TOX: variants seen among roughly 807,000 people sequenced by gnomAD.
TOX encodes the protein thymocyte selection associated high mobility group box.
TOX carries 11 observed loss-of-function variants against 53.7 expected under a neutral mutation model. The ratio of observed to expected loss-of-function variants is 0.20; its 90% CI spans 0.13 to 0.34. The LOEUF is 0.34. Ranked by LOEUF, TOX falls within the 10% of genes least tolerant of loss-of-function variation. The pLI is 1.00. For missense variants in TOX, 570 were observed against 664.6 expected, an observed-to-expected ratio of 0.86 and a Z score of 1.56; for synonymous variants, 225 against 245.3, an observed-to-expected ratio of 0.92 and a Z score of 0.77.
intron 1 of TOX, among the ~76,000 whole-genome samples, chr8:58,988,658 T>C (rs1409012329): frequency 6.6e-6 from 1 of 152,192 alleles, no homozygotes; most frequent in African/African-American, 2.4e-5. Flanking sequence ...CCAACAAGCT[T>C]TGGAAAGTCT....
chr8:59,088,295 A>G (rs1427225853), intron 1 of TOX, among the ~76,000 whole-genome samples: 3 of 152,156 alleles, frequency 2.0e-5, no homozygotes, highest in African/African-American at 7.2e-5. Flanking sequence ...ATCTCAATCA[A>G]TTGCACTATT....
chr8:58,906,809 C>T (rs1187450974), intron 3 of TOX, among the ~76,000 whole-genome samples: 2 of 152,106 alleles, frequency 1.3e-5, no homozygotes, highest in Non-Finnish European at 2.9e-5. Context: ...GCTTTCTTTC[C>T]TTCAAGATGT....
intron 1 of TOX, among the ~76,000 whole-genome samples, chr8:59,008,662 G>A (rs973104511): frequency 2.6e-5 from 4 of 152,170 alleles, no homozygotes; most frequent in Non-Finnish European, 5.9e-5. Flanking sequence ...GTCCTGCAGG[G>A]TTCAATGGCG....
At chr8:59,035,503 A>G (rs908406676) in intron 1 of TOX, among the ~76,000 whole-genome samples, 1 of 152,212 alleles carries the variant, frequency 6.6e-6, no homozygotes, top group Non-Finnish European at 1.5e-5. Context: ...CCTCCAAAGT[A>G]ACTGGGGACT....
chr8:59,092,008 G>A (rs939906952), intron 1 of TOX, among the ~76,000 whole-genome samples: 2 of 151,776 alleles, frequency 1.3e-5, no homozygotes, highest in African/African-American at 4.8e-5. Flanking sequence ...CCAGCACTTT[G>A]GGAGGCTGGG....
intron 1 of TOX, among the ~76,000 whole-genome samples, chr8:59,052,665 C>A (rs746083440): frequency 6.6e-6 from 1 of 152,132 alleles, no homozygotes; most frequent in Non-Finnish European, 1.5e-5. Flanking sequence ...TCACTGGGAC[C>A]GAACTCCATT....
chr8:58,833,910 G>A (rs895969462), intron 5 of TOX, among the ~76,000 whole-genome samples: 2 of 152,128 alleles, frequency 1.3e-5, no homozygotes, highest in African/African-American at 4.8e-5. Context: ...GATTTTTATC[G>A]CTTCTTTCAG....
chr8:59,080,225 C>A (rs1395814028), intron 1 of TOX, among the ~76,000 whole-genome samples: 2 of 152,116 alleles, frequency 1.3e-5, no homozygotes, highest in Non-Finnish European at 2.9e-5. Flanking sequence ...TCGTGATCCA[C>A]CTGCCTTAGC....
Position 58,826,918 on chromosome 8 carries a change from A to G in TOX, c.925-16T>C. The G allele has an allele frequency of 1.2e-6, 2 of 1,606,432 alleles. No individual in the cohort carries two copies. The highest frequency in any genetic ancestry group is 8.5e-7 in the Non-Finnish European group (1 of 1,177,090). ...TTTTATAGACCTGCAACAACAGCAAAGAGTCTTAAATTAGAAAGTGCATTT... is the reference window on the plus strand; with the variant it reads ...TTTTATAGACCTGCAACAACAGCAAGGAGTCTTAAATTAGAAAGTGCATTT... On this transcript the variant is annotated splice_polypyrimidine_tract_variant and intron_variant, in intron 5 of 8. Coordinates refer to ENST00000361421, the MANE Select transcript of TOX (RefSeq NM_014729.3).
Position 58,851,434 on chromosome 8 carries a change from G to C in TOX, c.693+90C>G. The C allele has an allele frequency of 7.0e-7, 1 of 1,430,062 alleles. No homozygotes were observed. Among genetic ancestry groups the C allele is most frequent in the Non-Finnish European group, 9.6e-7 (1 of 1,042,494 alleles). 88.6% of individuals were successfully genotyped at this position (1,430,062 alleles called of 1,614,324 possible). ...CAGGTGTCTCCCTCCAATGTTTCTC[G>C]CATGGATGATATAAACTTGTACCCA... On this transcript the variant is annotated intron_variant, in intron 4 of 8. Transcript: ENST00000361421. The surrounding 1 kb of genome is among the most constrained non-coding windows in gnomAD (Gnocchi z 4.4).
At chr8:58,873,701 T>C (rs555511461) in intron 3 of TOX, among the ~76,000 whole-genome samples, 1 of 152,260 alleles carries the variant, frequency 6.6e-6, no homozygotes, top group Admixed American at 6.6e-5. Context: ...CTTATTGTGC[T>C]GGCATCTGAT....
intron 2 of TOX, among the ~76,000 whole-genome samples, chr8:58,959,379 C>G (rs1442038579): frequency 6.6e-6 from 1 of 152,154 alleles, no homozygotes; most frequent in Non-Finnish European, 1.5e-5. Flanking sequence ...ACCTTGTCAA[C>G]TATTCCCAGT....
chr8:58,934,799 C>G (rs1160945124), intron 3 of TOX, among the ~76,000 whole-genome samples: 1 of 152,172 alleles, frequency 6.6e-6, no homozygotes, highest in Non-Finnish European at 1.5e-5. Flanking sequence ...TTAACCAACA[C>G]TTATATAATG....
Position 58,919,238 on chromosome 8 carries a change from G to A in TOX, c.411+20064C>T, listed in dbSNP as rs1389237214. Among the ~76,000 whole-genome samples the A allele has an allele frequency of 1.5e-4, 20 of 129,742 alleles. No individual in the cohort carries two copies. In the East Asian group the frequency reaches 2.1e-3, roughly 13 times the overall value. 85.1% of individuals were successfully genotyped at this position (129,742 alleles called of 152,430 possible). On this transcript the variant is annotated intron_variant, in intron 3 of 8. Transcript: ENST00000361421. ...TTCATATGGAACCAAAAAAGAGCCCGCATCGCCAAGTCAATCCTAAGCCAA... is the reference window on the plus strand; with the variant it reads ...TTCATATGGAACCAAAAAAGAGCCCACATCGCCAAGTCAATCCTAAGCCAA...
At chr8:59,078,995 A>C (rs371257331) in intron 1 of TOX, among the ~76,000 whole-genome samples, 271 of 152,322 alleles carry the variant, frequency 1.8e-3, no homozygotes, top group African/African-American at 6.3e-3. Context: ...TTCATCCCCT[A>C]GGGATCTATG....
chr8:59,063,717 G>A (rs984005060), intron 1 of TOX, among the ~76,000 whole-genome samples: 2 of 151,946 alleles, frequency 1.3e-5, no homozygotes, highest in Admixed American at 6.6e-5. Context: ...CACTGCGCCC[G>A]GCCCGGGATA....
intron 3 of TOX, among the ~76,000 whole-genome samples, chr8:58,852,773 G>C (rs1262815188): frequency 2.0e-5 from 3 of 152,050 alleles, no homozygotes; most frequent in Non-Finnish European, 4.4e-5. Context: ...CAAAACAAGA[G>C]AGAAAAACAA....
intron 1 of TOX, among the ~76,000 whole-genome samples, chr8:59,067,668 T>A (rs574074848): frequency 6.6e-6 from 1 of 152,038 alleles, no homozygotes; most frequent in Non-Finnish European, 1.5e-5. Context: ...ATGGCAGAGA[T>A]AGGATATTGC....
intron 7 of TOX, among the ~76,000 whole-genome samples, chr8:58,811,445 G>T (rs1026485234): frequency 5.9e-5 from 9 of 151,916 alleles, no homozygotes; most frequent in African/African-American, 2.2e-4. Flanking sequence ...TCGCAGTTTT[G>T]TTGTGCCACC....
Sources: allele counts gnomAD v4.1 joint callset (sites outside exome capture counted in the v4.1 genomes callset), GRCh38; gene constraint gnomAD v4.1.1; non-coding constraint Gnocchi (gnomAD v3.1); transcripts MANE v1.5; gene names NCBI Gene and HGNC (gene_info 2026-07-23, HGNC 2026-07-21).